The following YY1AP1 variants were observed in gnomAD, a reference collection of about 807,000 sequenced individuals.
The protein encoded by YY1AP1 is YY1-associated protein 1.
Under a neutral mutation model 39.9 loss-of-function variants are expected in YY1AP1, and 43 were observed. That is an observed-to-expected ratio of 1.08 (90% CI 0.84 to 1.39). YY1AP1 has a LOEUF of 1.39. YY1AP1 is among the 40% of genes most tolerant of loss of function. The probability of loss-of-function intolerance (pLI) is 0.00; values close to 1 mark genes in which losing one functional copy is unlikely to be tolerated. For missense variants in YY1AP1, 813 were observed against 900.7 expected (o/e 0.90, Z 1.25); for synonymous variants, 292 against 331.3 (o/e 0.88, Z 1.29).
chr1:155,670,794 C>T, intron 7 of YY1AP1: 1 of 277,742 alleles, frequency 3.6e-6, no homozygotes, highest in South Asian at 3.6e-5. Flanking sequence ...CCTGCCTCAG[C>T]CTCCTGAGTA....
intron 9 of YY1AP1, among the ~76,000 whole-genome samples, chr1:155,668,266 A>C (rs1649334414): frequency 6.6e-6 from 1 of 151,970 alleles, no homozygotes; most frequent in African/African-American, 2.4e-5. Flanking sequence ...ATGCCACTAT[A>C]CTCCTGCACT....
intron 2 of YY1AP1, among the ~76,000 whole-genome samples, chr1:155,682,751 C>A (rs1651699259): frequency 6.6e-6 from 1 of 152,182 alleles, no homozygotes; most frequent in African/African-American, 2.4e-5. Context: ...CACAGGCACA[C>A]AGTGTCTCTT....
intron 5 of YY1AP1, 130 bp downstream of exon 5, chr1:155,676,418 A>G (rs1650692813): frequency 3.7e-6 from 4 of 1,092,116 alleles, no homozygotes; most frequent in South Asian, 1.4e-5. Flanking sequence ...ATGTGAAGAT[A>G]CTACGGTTTT....
chr1:155,670,125 A>G (rs1449260467), intron 8 of YY1AP1, among the ~76,000 whole-genome samples, 195 bp downstream of exon 8: 1 of 152,184 alleles, frequency 6.6e-6, no homozygotes. Flanking sequence ...AAACATTTTA[A>G]AAATGTGTGT....
intron 2 of YY1AP1, among the ~76,000 whole-genome samples, chr1:155,686,957 A>C (rs1011393301): frequency 7.9e-5 from 12 of 151,768 alleles, no homozygotes; most frequent in Middle Eastern, 3.4e-3. Context: ...CTGCAGTAGT[A>C]GTGAAAATAT....
At position 155,680,462 on chromosome 1, in the gene YY1AP1, A is replaced by AT; in HGVS notation, c.-20-7_-20-6insA. ...CAGCTCATTTGCTTCCTTTTCTGCAAAAAAGCCAAACGTTGTTGGTATAAA... is the reference window on the plus strand; with the variant it reads ...CAGCTCATTTGCTTCCTTTTCTGCAATAAAAGCCAAACGTTGTTGGTATAAA... On this transcript the variant is annotated splice_region_variant and splice_polypyrimidine_tract_variant and intron_variant, in intron 2 of 10. Coordinates refer to ENST00000355499, the MANE Select transcript of YY1AP1 (RefSeq NM_139119.3). 1 of 1,613,128 alleles carries AT rather than the reference A, an allele frequency of 6.2e-7. No homozygotes were observed. The highest frequency in any genetic ancestry group is 8.5e-7 in the Non-Finnish European group (1 of 1,179,272).
intron 9 of YY1AP1, among the ~76,000 whole-genome samples, chr1:155,665,772 G>A (rs1476490406): frequency 3.6e-5 from 4 of 110,698 alleles, no homozygotes; most frequent in South Asian, 3.1e-4. Context: ...GACAGAGCAA[G>A]ACTCTGTGTC....
chr1:155,666,257 G>A (rs963705271), intron 9 of YY1AP1, among the ~76,000 whole-genome samples: 9 of 152,084 alleles, frequency 5.9e-5, no homozygotes, highest in South Asian at 2.1e-4. Context: ...GAGTAGCTGG[G>A]ACTACAGGCG....
At position 155,672,685 on chromosome 1, in the gene YY1AP1, T is replaced by C; in HGVS notation, c.458A>G (p.Gln153Arg). 1 of 1,614,174 alleles carries C rather than the reference T, an allele frequency of 6.2e-7. No individual in the cohort carries two copies. The change falls in exon 7 of 11, where the codon CAG becomes CGG. Residue 153 changes from glutamine to arginine, a missense_variant. This residue lies in a region of YY1AP1 where 196 missense variants were observed against 189.7 expected (regional missense o/e 1.03). Transcript: ENST00000355499. ...CAGGGTCTGAAACTTGGGGTTGTAC[T>C]GATGGTGAAGGGCGATGGAGCTTTG... ...FAQSSIALHH[Q>R]YNPKFQTLFQ...
At chr1:155,676,356 T>C (rs1445816251) in intron 5 of YY1AP1, among the ~76,000 whole-genome samples, 192 bp downstream of exon 5, 1 of 152,250 alleles carries the variant, frequency 6.6e-6, no homozygotes, top group East Asian at 1.9e-4. Context: ...TTATGTGCTG[T>C]CTTCCCTGAG....
chr1:155,670,227 A>G (rs1649649273), intron 8 of YY1AP1, 93 bp downstream of exon 8: 3 of 1,554,884 alleles, frequency 1.9e-6, no homozygotes, highest in Non-Finnish European at 2.7e-6. Flanking sequence ...TTTTGTGTCC[A>G]TGTCTTATTA....
At chr1:155,688,409 C>T (rs1558323669) in intron 1 of YY1AP1, 2 of 1,545,082 alleles carry the variant, frequency 1.3e-6, no homozygotes, top group East Asian at 2.5e-5. Flanking sequence ...CAACCTCCCA[C>T]TCCTCCCTCC....
rs532007428 is a variant in YY1AP1, at chr1:155,682,645, G to A, written c.-20-2189C>T. The stretch of plus-strand genomic sequence containing the variant: ...CAAAGTGCAGGGATTACAGGCATGA[G>A]CCACTGCACCCAGCCAAGTACTTTG... On this transcript the variant is annotated intron_variant, in intron 2 of 10. Transcript: ENST00000355499. Among the ~76,000 whole-genome samples the A allele has an allele frequency of 3.9e-5, 6 of 152,100 alleles. No homozygotes were observed. In the East Asian group the frequency reaches 1.2e-3, roughly 30 times the overall value.
rs1277366679 is a variant in YY1AP1 at position 155,679,183 on chromosome 1, C to T, written c.125+226G>A. On this transcript the variant is annotated intron_variant, in intron 4 of 10. Transcript: ENST00000355499. Reference sequence around the variant, plus strand: ...CCGGAGAAGTGGATATGGATGCCAGCTACTGTTTTTTCTCCCTTCCCAAAC... The same window carrying T: ...CCGGAGAAGTGGATATGGATGCCAGTTACTGTTTTTTCTCCCTTCCCAAAC... 3.4e-6 allele frequency: 5 copies of T among 1,487,072 alleles called. No homozygotes were observed. The East Asian group carries it at 1.1e-4, about 33-fold the overall frequency. 92.1% of individuals were successfully genotyped at this position (1,487,072 alleles called of 1,614,324 possible).
At chr1:155,665,086 T>C (rs1648757854) in intron 9 of YY1AP1, among the ~76,000 whole-genome samples, 1 of 151,730 alleles carries the variant, frequency 6.6e-6, no homozygotes, top group Admixed American at 6.6e-5. Context: ...ATGGTTTAAA[T>C]GTGAAAATTC....
chr1:155,688,300 T>G, intron 1 of YY1AP1, 99 bp from the exon 2 acceptor site: 1 of 1,568,166 alleles, frequency 6.4e-7, no homozygotes, highest in Non-Finnish European at 8.6e-7. Context: ...TCGTTTCCCC[T>G]CGCAAAGCGA....
chr1:155,661,552 A>AC lies in YY1AP1; in HGVS notation c.880-130_880-129insG. On this transcript the variant is annotated intron_variant, in intron 9 of 10. Transcript: ENST00000355499. ...ACACACACACACACACACACACACAAGACCACATACACAAACATCCATGAA... is the reference window on the plus strand; with the variant it reads ...ACACACACACACACACACACACACAACGACCACATACACAAACATCCATGAA... 1.3e-5 allele frequency: 12 copies of AC among 926,244 alleles called. No individual in the cohort carries two copies. The East Asian group carries it at 2.7e-4, about 21-fold the overall frequency. 57.4% of individuals were successfully genotyped at this position (926,244 alleles called of 1,614,324 possible).
chr1:155,660,252 A>G lies in YY1AP1; in HGVS notation c.1658T>C (p.Val553Ala). 1.2e-6 allele frequency: 2 copies of G among 1,614,240 alleles called. No homozygotes were observed. The highest frequency in any genetic ancestry group is 1.7e-6 in the Non-Finnish European group (2 of 1,180,046). Residue 553 changes from valine (V) to alanine (A), a missense_variant, in exon 11 of 11, where the codon GTT becomes GCT. Transcript: ENST00000355499. ...KPAPVIHPAS[V>A]IFTVPATTVK... ...AGTGGTAGCAGGAACAGTGAAGATA[A>G]CAGATGCAGGGTGGATAACAGGGGC...
In YY1AP1 at chr1:155,682,448, A is replaced by G. The variant is rs1167380282; in HGVS notation, c.-20-1992T>C. Reference sequence around the variant, plus strand: ...TTTACTTTTTTCTCTACATCTACATACTCTACATGTCAGAGTTTTTGTTTC... The same window carrying G: ...TTTACTTTTTTCTCTACATCTACATGCTCTACATGTCAGAGTTTTTGTTTC... On this transcript the variant is annotated intron_variant, in intron 2 of 10. Transcript: ENST00000355499. Among the ~76,000 whole-genome samples, 4 of 151,860 alleles carry G rather than the reference A, an allele frequency of 2.6e-5. No individual in the cohort carries two copies. In the South Asian group the frequency reaches 8.3e-4, roughly 32 times the overall value.
Sources: allele counts gnomAD v4.1 joint callset (sites outside exome capture counted in the v4.1 genomes callset), GRCh38; gene constraint gnomAD v4.1.1; regional missense constraint gnomAD v4.1.1; transcripts MANE v1.5; gene names NCBI Gene and HGNC (gene_info 2026-07-23, HGNC 2026-07-21).